MED13: variants seen among roughly 807,000 people sequenced by gnomAD.
MED13 encodes mediator of RNA polymerase II transcription subunit 13.
Under a neutral mutation model 225.2 loss-of-function variants are expected in MED13, and 23 were observed. The observed-to-expected ratio is 0.10, with a 90% CI of 0.07 to 0.14. The LOEUF is 0.14. Ranked by LOEUF, MED13 falls within the 10% of genes least tolerant of loss-of-function variation. MED13 has a pLI of 1.00. For missense variants in MED13, 2,197 were observed against 2,594.5 expected (o/e 0.85, Z 3.33); for synonymous variants, 942 against 889.2 (o/e 1.06, Z -1.06).
intron 9 of MED13, 163 bp downstream of exon 9, chr17:62,010,387 G>A (rs954344500): frequency 2.2e-6 from 1 of 447,414 alleles, no homozygotes; most frequent in Non-Finnish European, 3.7e-6. Flanking sequence ...TAATGAAGAA[G>A]TTCCCTGAGG....
At chr17:61,946,682 G>T in intron 29 of MED13, 82 bp from the exon 30 acceptor site, 1 of 1,514,550 alleles carries the variant, frequency 6.6e-7, no homozygotes, top group Non-Finnish European at 9.0e-7. Flanking sequence ...TGGCATTTAA[G>T]ACTCAAAGTC....
In MED13 at chr17:62,010,711, T is replaced by C; in HGVS notation, c.1806A>G (p.Thr602=). The C allele has an allele frequency of 6.3e-7, 1 of 1,587,690 alleles. No homozygotes were observed. The highest frequency in any genetic ancestry group is 8.6e-7 in the Non-Finnish European group (1 of 1,164,792). ...EAVEPTVYVG[T]AVNLEEDEAN... ...CTTCATCTTCTTCCAAGTTTACTGC[T>C]GTACCAACATATACTGTAGGTTCTA... The change falls in exon 9 of 30, where the codon ACA becomes ACG. Residue 602 remains threonine, a synonymous_variant. Coordinates refer to ENST00000397786, the MANE Select transcript of MED13 (RefSeq NM_005121.3).
At chr17:62,008,016 C>CAAAAAAAAAAAAAAAAAAAAAAAAAA (rs60236710) in intron 9 of MED13, among the ~76,000 whole-genome samples, 3 of 50,508 alleles carry the variant, frequency 5.9e-5, no homozygotes, top group African/African-American at 2.0e-4. Context: ...GAGACTGTCT[C>CAAAAAAAAAAAAAAAAAAAAAAAAAA]AAAAAAAAAA....
intron 28 of MED13, among the ~76,000 whole-genome samples, chr17:61,947,900 TACAC>T (rs2079864170): frequency 6.6e-6 from 1 of 152,212 alleles, no homozygotes; most frequent in East Asian, 1.9e-4. Context: ...TCTCATTCTG[TACAC>T]TGTATAAGGT....
intron 9 of MED13, among the ~76,000 whole-genome samples, chr17:62,002,431 G>C (rs180783010): frequency 3.2e-4 from 47 of 147,972 alleles, no homozygotes; most frequent in African/African-American, 1.2e-3. Flanking sequence ...GGAGGTTGCA[G>C]TGAGCCGAGA....
chr17:62,042,574 A>C (rs1168463044), intron 3 of MED13, among the ~76,000 whole-genome samples: 1 of 151,344 alleles, frequency 6.6e-6, no homozygotes, highest in Non-Finnish European at 1.5e-5. Flanking sequence ...AAAAAAAAAA[A>C]AAAAAACCAA....
chr17:62,061,495 G>A (rs2081038877), intron 2 of MED13, among the ~76,000 whole-genome samples: 1 of 152,142 alleles, frequency 6.6e-6, no homozygotes, highest in African/African-American at 2.4e-5. Flanking sequence ...TTATTAAGAA[G>A]ACCAAAGCCC....
chr17:62,000,047 G>C (rs2080381143), intron 9 of MED13, among the ~76,000 whole-genome samples: 1 of 152,138 alleles, frequency 6.6e-6, no homozygotes, highest in Non-Finnish European at 1.5e-5. Context: ...CATAGCCTGG[G>C]TAACAGAGCA....
chr17:62,025,166 AT>A (rs1011411407), intron 8 of MED13, among the ~76,000 whole-genome samples: 5 of 152,196 alleles, frequency 3.3e-5, no homozygotes, highest in African/African-American at 1.2e-4. Flanking sequence ...CAGAGAGTAA[AT>A]ATTTTATCCC....
chr17:62,022,218 C>T (rs2080655952), intron 8 of MED13, among the ~76,000 whole-genome samples: 2 of 150,582 alleles, frequency 1.3e-5, no homozygotes, highest in East Asian at 3.9e-4. Context: ...AATTATCTGC[C>T]TCACTTCCAA....
intron 16 of MED13, among the ~76,000 whole-genome samples, chr17:61,976,844 A>G (rs932470338): frequency 6.6e-6 from 1 of 152,200 alleles, no homozygotes; most frequent in Admixed American, 6.5e-5. Context: ...AGGCAGGAGA[A>G]TGGCGTGATC....
intron 2 of MED13, among the ~76,000 whole-genome samples, chr17:62,057,550 CAAT>C (rs78335883): frequency 0.067 from 10,148 of 152,210 alleles, 581 homozygotes; most frequent in South Asian, 0.31. Flanking sequence ...GGGCACACAA[CAAT>C]GTTTTAGTTT....
chr17:62,034,762 C>G (rs2080788269), intron 4 of MED13, among the ~76,000 whole-genome samples: 1 of 152,150 alleles, frequency 6.6e-6, no homozygotes. Context: ...AATATTTCTT[C>G]TAGAATTCAA....
At chr17:62,012,732 A>C (rs961549977) in intron 8 of MED13, among the ~76,000 whole-genome samples, 4 of 152,194 alleles carry the variant, frequency 2.6e-5, no homozygotes, top group Non-Finnish European at 5.9e-5. Context: ...AGCTATCCAG[A>C]AAGAGTATTA....
chr17:62,039,140 A>C (rs1316111849), intron 3 of MED13, among the ~76,000 whole-genome samples: 1 of 152,138 alleles, frequency 6.6e-6, no homozygotes, highest in African/African-American at 2.4e-5. Context: ...TTTACTAACA[A>C]CACTCAATCC....
chr17:61,966,771 T>C (rs1194959757), intron 18 of MED13, 120 bp from the exon 19 acceptor site: 9 of 597,588 alleles, frequency 1.5e-5, no homozygotes, highest in African/African-American at 1.9e-5. Context: ...TTAACAGTTA[T>C]GATAAAAATA....
chr17:62,010,917 G>T lies in MED13; in HGVS notation c.1600C>A (p.Pro534Thr), dbSNP rs573544399. Residue 534 changes from proline to threonine, a missense_variant, in exon 9 of 30, where the codon CCC becomes ACC. Coordinates refer to ENST00000397786, the MANE Select transcript of MED13 (RefSeq NM_005121.3). ...GTEMANSPQP[P>T]PLSPHPCDVV... ...TCACAAGGGTGAGGACTAAGTGGGG[G>T]TGGTTGAGGTGAATTTGCCATTTCG... The T allele has an allele frequency of 1.9e-6, 3 of 1,612,816 alleles. No individual in the cohort carries two copies. The highest frequency in any genetic ancestry group is 2.5e-6 in the Non-Finnish European group (3 of 1,178,880).
intron 23 of MED13, among the ~76,000 whole-genome samples, chr17:61,958,458 C>A (rs551398697): frequency 8.7e-4 from 133 of 152,254 alleles, no homozygotes; most frequent in African/African-American, 3.1e-3. Flanking sequence ...CCTGCCTCAG[C>A]CTCCCAAGTA....
At chr17:61,955,277 T>C in intron 26 of MED13, 105 bp downstream of exon 26, 2 of 986,218 alleles carry the variant, frequency 2.0e-6, no homozygotes, top group Non-Finnish European at 2.8e-6. Flanking sequence ...ATCTGCAAAA[T>C]CATTTTTTGG....
Sources: gnomAD v4.1 joint callset for allele counts (sites outside exome capture counted in the v4.1 genomes callset) on GRCh38, gnomAD v4.1.1 for gene constraint, MANE v1.5 for transcripts, NCBI Gene and HGNC (gene_info 2026-07-23, HGNC 2026-07-21) for gene names.